The following NMD3 variants were observed in gnomAD, a reference collection of about 807,000 sequenced individuals.
NMD3 encodes the protein 60S ribosomal export protein NMD3.
A neutral mutation model predicts 73.1 loss-of-function variants in NMD3; 47 were observed. The observed-to-expected ratio is 0.64, with a 90% CI of 0.51 to 0.82. The LOEUF (loss-of-function observed/expected upper bound fraction) is 0.82. Among genes scored for constraint, NMD3 ranks in the 40% least tolerant of loss-of-function variants. NMD3 has a pLI of 0.00. For synonymous variants in NMD3, 210 were observed against 194.5 expected, an observed-to-expected ratio of 1.08 and a Z score of -0.66; for missense variants, 554 against 612.5, an observed-to-expected ratio of 0.90 and a Z score of 1.01.
intron 4 of NMD3, among the ~76,000 whole-genome samples, chr3:161,228,446 T>C (rs1736411565): frequency 6.6e-6 from 1 of 152,148 alleles, no homozygotes; most frequent in African/African-American, 2.4e-5. Context: ...TAATGAATTG[T>C]TTTTTTCCAG....
chr3:161,252,669 T>C, downstream of NMD3: 2 of 524,876 alleles, frequency 3.8e-6, no homozygotes, highest in Non-Finnish European at 6.9e-6. Context: ...AAAGTTGTTA[T>C]GGCTTGGGAA....
chr3:161,233,261 G>T (rs1309431889), intron 4 of NMD3, 138 bp from the exon 5 acceptor site: 2 of 461,100 alleles, frequency 4.3e-6, no homozygotes, highest in Admixed American at 4.0e-5. Flanking sequence ...ATCTTTTTTT[G>T]TGATGATGGT....
chr3:161,243,898 T>G (rs1046580583), intron 11 of NMD3, among the ~76,000 whole-genome samples: 5 of 152,202 alleles, frequency 3.3e-5, no homozygotes, highest in African/African-American at 1.2e-4. Context: ...AAGCAATCTG[T>G]GGCTTAATAC....
chr3:161,229,781 A>C (rs957691261), intron 4 of NMD3, among the ~76,000 whole-genome samples: 1 of 152,150 alleles, frequency 6.6e-6, no homozygotes, highest in Admixed American at 6.5e-5. Flanking sequence ...GACTGAAAGG[A>C]GCTGCTAGGA....
rs1737469162 is a variant in NMD3, at chr3:161,251,071, G to T, written c.*161G>T. The T allele has an allele frequency of 1.9e-6, 1 of 536,680 alleles. No individual in the cohort carries two copies. Among genetic ancestry groups the T allele is most frequent in the East Asian group, 3.0e-5 (1 of 33,014 alleles). 33.2% of individuals were successfully genotyped at this position (536,680 alleles called of 1,614,324 possible). A position where few individuals can be genotyped will look rare whatever the true frequency, so the allele number is the denominator to read the frequency against. ...AGTGCTCACTCAAACCACTAAAACAGATGGATAGCTTTGAGGTTTTAGATA... is the reference window on the plus strand; with the variant it reads ...AGTGCTCACTCAAACCACTAAAACATATGGATAGCTTTGAGGTTTTAGATA... On this transcript the variant is annotated 3_prime_UTR_variant, in exon 16 of 16. Transcript: ENST00000351193.
At chr3:161,228,327 G>A (rs373941271) in intron 4 of NMD3, among the ~76,000 whole-genome samples, 27 of 152,040 alleles carry the variant, frequency 1.8e-4, no homozygotes, top group African/African-American at 6.3e-4. Flanking sequence ...ACTTTTTGGC[G>A]CTTCTGGCAT....
chr3:161,246,483 G>A (rs73026976), intron 12 of NMD3, 35 bp downstream of exon 12: 304,566 of 935,374 alleles, frequency 0.33, 51,291 homozygotes, highest in East Asian at 0.54. Flanking sequence ...CTGCCAATTA[G>A]GATTGCAAAT....
chr3:161,229,436 A>C (rs1438398987), intron 4 of NMD3, among the ~76,000 whole-genome samples: 3 of 152,214 alleles, frequency 2.0e-5, no homozygotes, highest in Non-Finnish European at 4.4e-5. Context: ...TGTAAGAGAC[A>C]GAAGAGTTAA....
intron 11 of NMD3, among the ~76,000 whole-genome samples, chr3:161,244,667 A>G (rs1737127843): frequency 7.2e-6 from 1 of 138,288 alleles, no homozygotes; most frequent in African/African-American, 2.7e-5. Flanking sequence ...TAAAGAGACA[A>G]GGTCTCACTC....
intron 4 of NMD3, among the ~76,000 whole-genome samples, chr3:161,230,992 G>A (rs1038033261): frequency 1.3e-5 from 2 of 152,188 alleles, no homozygotes; most frequent in Non-Finnish European, 2.9e-5. Flanking sequence ...ACTGTTACAA[G>A]TTTAGACTAG....
intron 9 of NMD3, among the ~76,000 whole-genome samples, chr3:161,239,566 A>G (rs1736891643): frequency 6.6e-6 from 1 of 152,170 alleles, no homozygotes; most frequent in Admixed American, 6.5e-5. Flanking sequence ...ATAATAACTG[A>G]GGTAAGCCAT....
chr3:161,250,151 G>A (rs1255323363), intron 14 of NMD3, 105 bp from the exon 15 acceptor site: 1 of 616,666 alleles, frequency 1.6e-6, no homozygotes, highest in Non-Finnish European at 2.8e-6. Context: ...TGAAATGTGA[G>A]TTGGAAACAG....
Position 161,225,066 on chromosome 3 carries a change from TA to T in NMD3, c.179+3del. Reference sequence around the variant, plus strand: ...TTCGTTCTGCAAACAATGTCAAAGGTACAGTGCGGTACAATTTTGCTCTTTT... The same window carrying T: ...TTCGTTCTGCAAACAATGTCAAAGGTCAGTGCGGTACAATTTTGCTCTTTT... On this transcript the variant is annotated splice_donor_region_variant and intron_variant, in intron 3 of 15. Coordinates refer to ENST00000351193, the MANE Select transcript of NMD3 (RefSeq NM_015938.5). 6.2e-7 allele frequency: 1 copy of T among 1,605,494 alleles called. No individual in the cohort carries two copies.
chr3:161,241,011 T>A (rs1736953977), intron 9 of NMD3, 35 bp from the exon 10 acceptor site: 1 of 1,321,094 alleles, frequency 7.6e-7, no homozygotes, highest in African/African-American at 1.4e-5. Context: ...TTATTTAGGA[T>A]ATGCCTCATT....
At chr3:161,238,217 TA>T in intron 8 of NMD3, 26 bp downstream of exon 8, 1 of 1,401,658 alleles carries the variant, frequency 7.1e-7, no homozygotes, top group African/African-American at 1.4e-5. Flanking sequence ...TGAATGTGAC[TA>T]AATCTAAGGA....
chr3:161,233,419 CT>C lies in NMD3; in HGVS notation c.300del (p.Phe100LeufsTer15). 6.2e-7 allele frequency: 1 copy of C among 1,608,410 alleles called. No homozygotes were observed. Among genetic ancestry groups the C allele is most frequent in the Non-Finnish European group, 8.5e-7 (1 of 1,176,974 alleles). ...LSKVRLVDAG[F>X]VWTEPHSKRL... ...TGAAGGTACGGCTTGTAGATGCAGG[CT>C]TTGTTTGGACTGAGCCTCATTCTAA... On this transcript the variant is annotated frameshift_variant, in exon 5 of 16. Coordinates refer to ENST00000351193, the MANE Select transcript of NMD3 (RefSeq NM_015938.5). LOFTEE classifies it high-confidence loss of function.
chr3:161,253,320 A>G (rs1560078392), downstream of NMD3: 2 of 152,170 alleles, frequency 1.3e-5, no homozygotes, highest in East Asian at 3.8e-4. Flanking sequence ...GTCAATCCTT[A>G]CATAACTGGG....
chr3:161,241,207 GACAA>G, intron 10 of NMD3, 44 bp downstream of exon 10: 1 of 1,080,200 alleles, frequency 9.3e-7, no homozygotes, highest in Non-Finnish European at 1.4e-6. Context: ...TGTTTTGTAT[GACAA>G]ACAATAATAA....
At chr3:161,252,958 G>C, downstream of NMD3, 1 of 475,698 alleles carries the variant, frequency 2.1e-6, no homozygotes, top group Non-Finnish European at 3.8e-6. Context: ...AATTATCCGG[G>C]CGTGGTGGTG....
Sources: gnomAD v4.1 joint callset for allele counts (sites outside exome capture counted in the v4.1 genomes callset) on GRCh38, gnomAD v4.1.1 for gene constraint, MANE v1.5 for transcripts, NCBI Gene and HGNC (gene_info 2026-07-23, HGNC 2026-07-21) for gene names.